PRSS8: variants seen among roughly 807,000 people sequenced by gnomAD.
PRSS8 encodes the protein prostasin.
In PRSS8, 11 loss-of-function variants were observed where a neutral mutation model predicts 26.7. The observed-to-expected ratio is 0.41, with a 90% CI of 0.26 to 0.68. The LOEUF is 0.68. PRSS8 is among the 30% of genes least tolerant of loss of function. The pLI, the probability that PRSS8 is intolerant of heterozygous loss-of-function variation, is 0.30. For missense variants in PRSS8, 362 were observed against 443.5 expected (o/e 0.82, Z 1.65); for synonymous variants, 183 against 187.0 (o/e 0.98, Z 0.17).
chr16:31,134,883 A>G, intron 2 of PRSS8: 1 of 506,426 alleles, frequency 2.0e-6, no homozygotes, highest in Non-Finnish European at 3.6e-6. Flanking sequence ...TTCAAAAGAC[A>G]AAAACCAAAC....
Position 31,131,571 on chromosome 16 carries a change from T to C in PRSS8, c.*438A>G, listed in dbSNP as rs1346052481. 4 of 499,962 alleles carry C rather than the reference T, an allele frequency of 8.0e-6. No individual in the cohort carries two copies. The highest frequency in any genetic ancestry group is 3.9e-5 in the African/African-American group (2 of 51,502). The allele number at this position is 499,962 out of a possible 1,614,324, so 31.0% of individuals were successfully genotyped here. The stretch of plus-strand genomic sequence containing the variant: ...GGCGCTCAGCGGCCAGTGGGCAAGA[T>C]TGGGGCCTTTCCTGTCCTCGAAGCT... On this transcript the variant is annotated 3_prime_UTR_variant, in exon 6 of 6. Transcript: ENST00000317508.
At chr16:31,135,118 CCCCCT>C (rs1567439787) in intron 2 of PRSS8, 31 bp downstream of exon 2, 1 of 1,608,200 alleles carries the variant, frequency 6.2e-7, no homozygotes, top group African/African-American at 1.3e-5. Flanking sequence ...CAAGTCACCT[CCCCCT>C]CCCCTCCTCC....
In PRSS8 at chr16:31,133,496, C is replaced by T; in HGVS notation, c.104-108G>A. ...AAGTGGGTTCACAGGAGTCAACACC[C>T]CTTTGTCCCCTCCCAGGCATGGGCA... On this transcript the variant is annotated intron_variant, in intron 2 of 5. Coordinates refer to ENST00000317508, the MANE Select transcript of PRSS8 (RefSeq NM_002773.5). This position sits in a 1 kb window ranked among gnomAD's most constrained non-coding sequence, Gnocchi z 4.7. 7.4e-7 allele frequency: 1 copy of T among 1,347,970 alleles called. No homozygotes were observed. The highest frequency in any genetic ancestry group is 2.6e-4 in the Middle Eastern group (1 of 3,904). The allele number at this position is 1,347,970 out of a possible 1,614,324, so 83.5% of individuals were successfully genotyped here.
In PRSS8 at chr16:31,132,224, G is replaced by C; in HGVS notation, c.817C>G (p.Leu273Val). The part of the protein sequence containing the change: ...GARNRPGVYT[L>V]ASSYASWIQS... The stretch of plus-strand genomic sequence containing the variant: ...ATCCAGGAGGCATAGCTGGAGGCCA[G>C]AGTGTACACACCAGGCCTGTTGCGG... The change falls in exon 6 of 6, where the codon CTG becomes GTG. Residue 273 changes from leucine (L) to valine (V), a missense_variant. By Grantham distance (32) the Leu-to-Val change is conservative (BLOSUM62 1). Transcript: ENST00000317508. The surrounding 1 kb of genome is among the most constrained non-coding windows in gnomAD (Gnocchi z 5.2). 1 of 1,613,860 alleles carries C rather than the reference G, an allele frequency of 6.2e-7. No homozygotes were observed. The highest frequency in any genetic ancestry group is 8.5e-7 in the Non-Finnish European group (1 of 1,179,832).
rs753355699 is a variant in PRSS8 at position 31,135,174 on chromosome 16, A to G, written c.86-3T>C. 1.2e-6 allele frequency: 2 copies of G among 1,612,470 alleles called. No homozygotes were observed. Among genetic ancestry groups the G allele is most frequent in the South Asian group, 2.2e-5 (2 of 90,578 alleles). ...CTCACCTTCTGCCCCTTCCGCTCCTAGAAAGAAAGAGAAAGAGGAGGGGTG... is the reference window on the plus strand; with the variant it reads ...CTCACCTTCTGCCCCTTCCGCTCCTGGAAAGAAAGAGAAAGAGGAGGGGTG... On this transcript the variant is annotated splice_region_variant and splice_polypyrimidine_tract_variant and intron_variant, in intron 1 of 5. Coordinates refer to ENST00000317508, the MANE Select transcript of PRSS8 (RefSeq NM_002773.5).
rs1312935697 is a variant in PRSS8 at position 31,135,526 on chromosome 16, A to G, written c.-28T>C. ...CCCAGGACAAGGGCCCCTGGGGCAG[A>G]CTCCAGGCACGCAAGGTAGGAAGCC... On this transcript the variant is annotated 5_prime_UTR_variant, in exon 1 of 6. Coordinates refer to ENST00000317508, the MANE Select transcript of PRSS8 (RefSeq NM_002773.5). 6.7e-7 allele frequency: 1 copy of G among 1,501,954 alleles called. No individual in the cohort carries two copies. Among genetic ancestry groups the G allele is most frequent in the Non-Finnish European group, 8.9e-7 (1 of 1,124,166 alleles). The allele number at this position is 1,501,954 out of a possible 1,614,324, so 93.0% of individuals were successfully genotyped here.
chr16:31,135,292 A>G (rs1596831792), intron 1 of PRSS8, 121 bp from the exon 2 acceptor site: 1 of 1,587,536 alleles, frequency 6.3e-7, no homozygotes, highest in Non-Finnish European at 8.6e-7. Context: ...TGGGAAAGAG[A>G]GGCCAAGAGC....
chr16:31,135,024 C>G (rs528359154), intron 2 of PRSS8, 130 bp downstream of exon 2: 87 of 1,173,542 alleles, frequency 7.4e-5, no homozygotes, highest in African/African-American at 1.1e-4. Flanking sequence ...TAAAACCCCC[C>G]ACTCTGGGAG....
chr16:31,135,103 C>G, intron 2 of PRSS8, 51 bp downstream of exon 2: 1 of 1,600,050 alleles, frequency 6.2e-7, no homozygotes, highest in South Asian at 1.1e-5. Context: ...CAGGGGAATC[C>G]GATCCAAGTC....
chr16:31,134,951 C>T, intron 2 of PRSS8: 1 of 628,536 alleles, frequency 1.6e-6, no homozygotes, highest in South Asian at 2.1e-5. Flanking sequence ...TGAATCCCAG[C>T]TGCACCTTCA....
At chr16:31,135,244 G>A (rs1211906507) in intron 1 of PRSS8, 73 bp from the exon 2 acceptor site, 1 of 1,604,874 alleles carries the variant, frequency 6.2e-7, no homozygotes, top group African/African-American at 1.3e-5. Flanking sequence ...ACCCACCACT[G>A]CTCCAGAGGG....
At chr16:31,135,303 T>A in intron 1 of PRSS8, 111 bp downstream of exon 1, 1 of 1,581,562 alleles carries the variant, frequency 6.3e-7, no homozygotes, top group Non-Finnish European at 8.7e-7. Context: ...GGCCAAGAGC[T>A]AGGGAGGCCG....
rs1028207165 is a variant in PRSS8, at chr16:31,132,246, G to A, written c.795C>T (p.Arg265=). 3.7e-6 allele frequency: 6 copies of A among 1,613,540 alleles called. No individual in the cohort carries two copies. In the African/African-American group the frequency reaches 6.7e-5, roughly 18 times the overall value. ...IVSWGDACGA[R]NRPGVYTLAS... is the part of the protein sequence containing the mutation. ...CCAGAGTGTACACACCAGGCCTGTT[G>A]CGGGCCCCACAGGCATCTCCCCAGC... is the stretch of plus-strand genomic sequence containing the variant. Residue 265 remains arginine (R), a synonymous_variant, in exon 6 of 6, where the codon CGC becomes CGT. Transcript: ENST00000317508. This position sits in a 1 kb window ranked among gnomAD's most constrained non-coding sequence, Gnocchi z 5.2.
Position 31,132,786 on chromosome 16 carries a change from G to A in PRSS8, c.434C>T (p.Thr145Ile). The change falls in exon 4 of 6, where the codon ACC becomes ATC. Residue 145 changes from threonine (T) to isoleucine (I), a missense_variant. Thr to Ile is a moderately conservative substitution (Grantham distance 89, BLOSUM62 -1). Coordinates refer to ENST00000317508, the MANE Select transcript of PRSS8 (RefSeq NM_002773.5). This position sits in a 1 kb window ranked among gnomAD's most constrained non-coding sequence, Gnocchi z 5.2. ...IALLQLSRPI[T>I]FSRYIRPICL... is the part of the protein sequence containing the mutation. The stretch of plus-strand genomic sequence containing the variant: ...GATGGGCCGGATGTAGCGGGAGAAG[G>A]TGATGGGTCTGCTGAGTTGGAGGAG... The A allele has an allele frequency of 6.2e-7, 1 of 1,613,980 alleles. No homozygotes were observed. The highest frequency in any genetic ancestry group is 8.5e-7 in the Non-Finnish European group (1 of 1,179,874).
chr16:31,135,512 G>A lies in PRSS8; in HGVS notation c.-14C>T. 1 of 1,528,268 alleles carries A rather than the reference G, an allele frequency of 6.5e-7. No individual in the cohort carries two copies. The highest frequency in any genetic ancestry group is 2.4e-5 in the East Asian group (1 of 41,212). 94.7% of individuals were successfully genotyped at this position (1,528,268 alleles called of 1,614,324 possible). A position where few individuals can be genotyped will look rare whatever the true frequency, so the allele number is the denominator to read the frequency against. On this transcript the variant is annotated 5_prime_UTR_variant, in exon 1 of 6. Coordinates refer to ENST00000317508, the MANE Select transcript of PRSS8 (RefSeq NM_002773.5). ...CTTCTGGGCCATGGCCCAGGACAAGGGCCCCTGGGGCAGACTCCAGGCACG... is the reference window on the plus strand; with the variant it reads ...CTTCTGGGCCATGGCCCAGGACAAGAGCCCCTGGGGCAGACTCCAGGCACG...
rs1459118182 is a variant in PRSS8, at chr16:31,132,270, G to A, written c.771C>T (p.Ser257=). The change falls in exon 6 of 6, where the codon AGC becomes AGT. Residue 257 remains serine (S), a synonymous_variant. Coordinates refer to ENST00000317508, the MANE Select transcript of PRSS8 (RefSeq NM_002773.5). This position sits in a 1 kb window ranked among gnomAD's most constrained non-coding sequence, Gnocchi z 5.2. ...TGCGGGCCCCACAGGCATCTCCCCAGCTCACAATGCCCGTCAGGTACCAGA... is the reference window on the plus strand; with the variant it reads ...TGCGGGCCCCACAGGCATCTCCCCAACTCACAATGCCCGTCAGGTACCAGA... The part of the protein sequence containing the change: ...EGLWYLTGIV[S]WGDACGARNR... 1 of 1,613,660 alleles carries A rather than the reference G, an allele frequency of 6.2e-7. No homozygotes were observed. The highest frequency in any genetic ancestry group is 8.5e-7 in the Non-Finnish European group (1 of 1,179,730).
chr16:31,134,862 C>A, intron 2 of PRSS8: 1 of 450,892 alleles, frequency 2.2e-6, no homozygotes, highest in Non-Finnish European at 4.1e-6. Flanking sequence ...GACGACAGAC[C>A]CAGACCCTGT....
chr16:31,135,024 C>T lies in PRSS8; in HGVS notation c.103+130G>A, dbSNP rs528359154. The T allele has an allele frequency of 3.4e-6, 4 of 1,173,424 alleles. No individual in the cohort carries two copies. In the African/African-American group the frequency reaches 4.6e-5, roughly 14 times the overall value. 72.7% of individuals were successfully genotyped at this position (1,173,424 alleles called of 1,614,324 possible). ...CCATAAGGTGAGGGCTAAAACCCCC[C>T]ACTCTGGGAGCCCTAAGAGAATCTA... On this transcript the variant is annotated intron_variant, in intron 2 of 5. Transcript: ENST00000317508.
In PRSS8 at chr16:31,131,477, C is replaced by G; in HGVS notation, c.*532G>C. 1.6e-6 allele frequency: 1 copy of G among 615,766 alleles called. No homozygotes were observed. The highest frequency in any genetic ancestry group is 3.0e-5 in the Admixed American group (1 of 33,752). The allele number at this position is 615,766 out of a possible 1,614,324, so 38.1% of individuals were successfully genotyped here. On this transcript the variant is annotated 3_prime_UTR_variant, in exon 6 of 6. Transcript: ENST00000317508. Reference sequence around the variant, plus strand: ...TCATTTCTGCCCTGTTACTCCCACCCCAGATCCAAGCGCCAGCCCAGTTCC... The same window carrying G: ...TCATTTCTGCCCTGTTACTCCCACCGCAGATCCAAGCGCCAGCCCAGTTCC...
Sources: allele counts gnomAD v4.1 joint callset, GRCh38; gene constraint gnomAD v4.1.1; non-coding constraint Gnocchi (gnomAD v3.1); transcripts MANE v1.5; gene names NCBI Gene and HGNC (gene_info 2026-07-23, HGNC 2026-07-21).